CPPED1: variants seen among roughly 807,000 people sequenced by gnomAD.
CPPED1 encodes calcineurin like phosphoesterase domain containing 1.
Under a neutral mutation model 28.0 loss-of-function variants are expected in CPPED1, and 28 were observed. The ratio of observed to expected loss-of-function variants is 1.00; its 90% confidence interval spans 0.74 to 1.37. The LOEUF (loss-of-function observed/expected upper bound fraction) is 1.37. Ranked by LOEUF, CPPED1 falls within the 40% of genes most tolerant of loss-of-function variation. CPPED1 has a pLI of 0.00. For missense variants in CPPED1, 504 were observed against 416.5 expected (o/e 1.21, Z -1.83); for synonymous variants, 198 against 180.2 (o/e 1.10, Z -0.79).
rs1371430304 is a variant in CPPED1 at position 12,664,998 on chromosome 16, A to G, written c.833T>C (p.Leu278Pro). 2 of 1,611,750 alleles carry G rather than the reference A, an allele frequency of 1.2e-6. No homozygotes were observed. The highest frequency in any genetic ancestry group is 1.7e-6 in the Non-Finnish European group (2 of 1,179,194). The change falls in exon 4 of 4, where the codon CTC becomes CCC. Residue 278 changes from leucine to proline, a missense_variant. Coordinates refer to ENST00000381774, the MANE Select transcript of CPPED1 (RefSeq NM_018340.3). This position sits in a 1 kb window ranked among gnomAD's most constrained non-coding sequence, Gnocchi z 4.2. ...CTCGGCGGTGACCACCACGACTCGGAGCCCGTGGGGGTCTCTGCCCAGCTG... is the reference window on the plus strand; with the variant it reads ...CTCGGCGGTGACCACCACGACTCGGGGCCCGTGGGGGTCTCTGCCCAGCTG... ...GCQLGRDPHG[L>P]RVVVVTAEKI...
chr16:12,750,927 C>G (rs1455862819), intron 2 of CPPED1, among the ~76,000 whole-genome samples: 1 of 151,974 alleles, frequency 6.6e-6, no homozygotes, highest in African/African-American at 2.4e-5. Flanking sequence ...AAGACTGTGC[C>G]ACTGCACTCC....
chr16:12,686,638 G>C (rs901567945), intron 3 of CPPED1, among the ~76,000 whole-genome samples: 1 of 152,212 alleles, frequency 6.6e-6, no homozygotes, highest in African/African-American at 2.4e-5. Context: ...ATCAGAGAGG[G>C]GAGGATGCTG....
At chr16:12,746,373 C>CAA (rs71142518) in intron 2 of CPPED1, among the ~76,000 whole-genome samples, 5,242 of 103,360 alleles carry the variant, frequency 0.051, 231 homozygotes, top group East Asian at 0.17. Context: ...GACTCTGACT[C>CAA]AAAAAAAAAA....
chr16:12,754,512 C>A (rs942801786), intron 2 of CPPED1, among the ~76,000 whole-genome samples: 2 of 152,210 alleles, frequency 1.3e-5, no homozygotes, highest in Non-Finnish European at 2.9e-5. Flanking sequence ...ATTAAAGGGG[C>A]ATGTGCACAT....
At chr16:12,774,339 G>A (rs1246317032) in intron 2 of CPPED1, among the ~76,000 whole-genome samples, 11 of 151,844 alleles carry the variant, frequency 7.2e-5, no homozygotes, top group Non-Finnish European at 1.0e-4. Flanking sequence ...GTGGTGGCAG[G>A]CGCCTGTAAT....
intron 2 of CPPED1, among the ~76,000 whole-genome samples, chr16:12,774,598 C>T (rs946544513): frequency 8.5e-5 from 13 of 152,162 alleles, no homozygotes; most frequent in African/African-American, 2.9e-4. Flanking sequence ...TTCAAAAGCT[C>T]ACCACACATT....
chr16:12,713,104 TA>T (rs5815714), intron 2 of CPPED1, among the ~76,000 whole-genome samples: 77,375 of 150,256 alleles, frequency 0.51, 20,251 homozygotes, highest in Admixed American at 0.62. Flanking sequence ...AATAAGTTCT[TA>T]AAAAAAAAAA....
intron 3 of CPPED1, among the ~76,000 whole-genome samples, chr16:12,685,354 G>C (rs1241396883): frequency 1.3e-5 from 2 of 152,150 alleles, no homozygotes; most frequent in African/African-American, 4.8e-5. Flanking sequence ...GGAGGCTGAG[G>C]CAAGAGAATT....
At chr16:12,799,310 A>G (rs779725043) in intron 1 of CPPED1, among the ~76,000 whole-genome samples, 4 of 151,170 alleles carry the variant, frequency 2.6e-5, no homozygotes, top group Non-Finnish European at 4.4e-5. Flanking sequence ...GCAGCGGGCA[A>G]TCTTGGCTTA....
At chr16:12,761,872 A>G (rs1201589954) in intron 2 of CPPED1, among the ~76,000 whole-genome samples, 1 of 152,116 alleles carries the variant, frequency 6.6e-6, no homozygotes, top group African/African-American at 2.4e-5. Context: ...GTAGCCGGGC[A>G]TGGTGGCACG....
chr16:12,682,766 T>C lies in CPPED1; in HGVS notation c.716-17651A>G, dbSNP rs1046181589. Among the ~76,000 whole-genome samples the C allele has an allele frequency of 1.3e-5, 2 of 152,186 alleles. No individual in the cohort carries two copies. The highest frequency in any genetic ancestry group is 4.8e-5 in the African/African-American group (2 of 41,460). On this transcript the variant is annotated intron_variant, in intron 3 of 3. Coordinates refer to ENST00000381774, the MANE Select transcript of CPPED1 (RefSeq NM_018340.3). This position sits in a 1 kb window ranked among gnomAD's most constrained non-coding sequence, Gnocchi z 6.1. Reference sequence around the variant, plus strand: ...AGTATCTGATCAGAAGATCTTTTTCTTTTCATTTGCACAAATTACATCTTT... The same window carrying C: ...AGTATCTGATCAGAAGATCTTTTTCCTTTCATTTGCACAAATTACATCTTT...
chr16:12,751,571 A>G (rs965573696), intron 2 of CPPED1, among the ~76,000 whole-genome samples: 5 of 152,156 alleles, frequency 3.3e-5, no homozygotes, highest in African/African-American at 1.2e-4. Context: ...CCATACCCTA[A>G]AGATGAAGGA....
chr16:12,677,281 G>A (rs963057083), intron 3 of CPPED1, among the ~76,000 whole-genome samples: 4 of 152,238 alleles, frequency 2.6e-5, no homozygotes, highest in Admixed American at 2.6e-4. Flanking sequence ...GCGAGGGCGG[G>A]GAAAGGCGGG....
Position 12,682,351 on chromosome 16 carries a change from T to A in CPPED1, c.716-17236A>T, listed in dbSNP as rs200371202. ...GCGCCCAGCCCCTTTATTACTTTTC[T>A]ACATGGGGGGCTATGCTCAACTTTT... On this transcript the variant is annotated intron_variant, in intron 3 of 3. Transcript: ENST00000381774. The surrounding 1 kb of genome is among the most constrained non-coding windows in gnomAD (Gnocchi z 6.1). 1.3e-5 allele frequency among the ~76,000 whole-genome samples: 2 copies of A among 152,184 alleles called. No homozygotes were observed. Among genetic ancestry groups the A allele is most frequent in the East Asian group, 3.9e-4 (2 of 5,190 alleles).
At chr16:12,672,023 A>G (rs1332806228) in intron 3 of CPPED1, among the ~76,000 whole-genome samples, 3 of 152,248 alleles carry the variant, frequency 2.0e-5, no homozygotes, top group Non-Finnish European at 2.9e-5. Flanking sequence ...TATCCAGTAC[A>G]GTACCATGCT....
At chr16:12,697,484 G>C (rs1218208491) in intron 3 of CPPED1, among the ~76,000 whole-genome samples, 1 of 152,136 alleles carries the variant, frequency 6.6e-6, no homozygotes, top group Non-Finnish European at 1.5e-5. Flanking sequence ...CTGTCAGTCA[G>C]GCAGTTGTTA....
chr16:12,733,500 T>G (rs1427700179), intron 2 of CPPED1, among the ~76,000 whole-genome samples: 2 of 152,034 alleles, frequency 1.3e-5, no homozygotes, highest in Non-Finnish European at 2.9e-5. Flanking sequence ...GTCTTGAACT[T>G]GTGACCTCAG....
At chr16:12,800,253 A>G (rs1485139294) in intron 1 of CPPED1, among the ~76,000 whole-genome samples, 2 of 152,194 alleles carry the variant, frequency 1.3e-5, no homozygotes, top group Non-Finnish European at 2.9e-5. Flanking sequence ...AGCCTGGCCA[A>G]CATGGCGAAA....
chr16:12,711,376 T>A (rs949012326), intron 2 of CPPED1, among the ~76,000 whole-genome samples: 1 of 152,168 alleles, frequency 6.6e-6, no homozygotes, highest in Non-Finnish European at 1.5e-5. Context: ...AGTTTCCATT[T>A]TGCAAGATAA....
Sources: gnomAD v4.1 joint callset for allele counts (sites outside exome capture counted in the v4.1 genomes callset) on GRCh38, gnomAD v4.1.1 for gene constraint, Gnocchi (gnomAD v3.1) non-coding constraint, MANE v1.5 for transcripts, NCBI Gene and HGNC (gene_info 2026-07-23, HGNC 2026-07-21) for gene names.